FAM240B: variants seen among roughly 807,000 people sequenced by gnomAD.
FAM240B encodes family with sequence similarity 240 member B.
chr9:38,697,043 T>C (rs1005615677), intron 2 of FAM240B, among the ~76,000 whole-genome samples: 1 of 152,156 alleles, frequency 6.6e-6, no homozygotes, highest in African/African-American at 2.4e-5. Context: ...AATACATGAC[T>C]TTTGTCACCT....
At chr9:38,717,625 C>T (rs973532849) in intron 1 of FAM240B, among the ~76,000 whole-genome samples, 5 of 151,982 alleles carry the variant, frequency 3.3e-5, no homozygotes, top group African/African-American at 7.3e-5. Context: ...GGACTACAGG[C>T]GCCCGCCGCC....
At chr9:38,708,190 A>G (rs1821212604) in intron 1 of FAM240B, among the ~76,000 whole-genome samples, 1 of 152,188 alleles carries the variant, frequency 6.6e-6, no homozygotes, top group South Asian at 2.1e-4. Flanking sequence ...ATCTGCAGGT[A>G]GAACCTATGT....
chr9:38,707,631 AAAAAAC>A (rs1821206157), intron 1 of FAM240B, among the ~76,000 whole-genome samples: 3 of 149,840 alleles, frequency 2.0e-5, no homozygotes, highest in African/African-American at 7.4e-5. Flanking sequence ...AAAAACAAAA[AAAAAAC>A]CAAAAAATTA....
At chr9:38,718,673 A>C (rs1056347409) in intron 1 of FAM240B, among the ~76,000 whole-genome samples, 4 of 152,178 alleles carry the variant, frequency 2.6e-5, no homozygotes, top group African/African-American at 9.6e-5. Context: ...AAATAATTAT[A>C]ATTTAAATAA....
rs559554387 is a variant in FAM240B, at chr9:38,707,667, G to A, written c.-3-3665C>T. Among the ~76,000 whole-genome samples, 14 of 151,542 alleles carry A rather than the reference G, an allele frequency of 9.2e-5. No homozygotes were observed. The South Asian group carries it at 2.9e-3, about 32-fold the overall frequency. On this transcript the variant is annotated intron_variant, in intron 1 of 2. Transcript: ENST00000637493. ...AAATTAGCTGGGCGTGGTGGCACATGCCTGTAATCCCAGCTACTCAGGAGG... is the reference window on the plus strand; with the variant it reads ...AAATTAGCTGGGCGTGGTGGCACATACCTGTAATCCCAGCTACTCAGGAGG...
Position 38,694,889 on chromosome 9 carries a change from C to G in FAM240B, c.144-20G>C. ...CTGAGTCTGCGGAGGGGAAACCGTG[C>G]ACATGCTCAGTGCATTTGTCTCCAG... On this transcript the variant is annotated intron_variant, in intron 2 of 2. Transcript: ENST00000637493. The G allele has an allele frequency of 2.5e-6, 1 of 398,668 alleles. No homozygotes were observed. 24.7% of individuals were successfully genotyped at this position (398,668 alleles called of 1,614,324 possible).
In FAM240B at chr9:38,694,447, A is replaced by T; in HGVS notation, c.*329T>A. ...AACACTTCAAATGTCTCAAGACTTG[A>T]AACATTTCAAAATGACAAGGAAATG... On this transcript the variant is annotated 3_prime_UTR_variant, in exon 3 of 3. Coordinates refer to ENST00000637493, the MANE Select transcript of FAM240B (RefSeq NM_001394922.1). 1 of 208,014 alleles carries T rather than the reference A, an allele frequency of 4.8e-6. No homozygotes were observed. Among genetic ancestry groups the T allele is most frequent in the South Asian group, 1.9e-4 (1 of 5,268 alleles). 12.9% of individuals were successfully genotyped at this position (208,014 alleles called of 1,614,324 possible).
chr9:38,713,591 G>A (rs10814744), intron 1 of FAM240B, among the ~76,000 whole-genome samples: 35,539 of 151,482 alleles, frequency 0.23, 5,171 homozygotes, highest in Admixed American at 0.32. Flanking sequence ...ACTGGAACAC[G>A]GACAATTACA....
chr9:38,702,611 A>G (rs959753715), intron 2 of FAM240B, among the ~76,000 whole-genome samples: 2 of 152,218 alleles, frequency 1.3e-5, no homozygotes, highest in African/African-American at 4.8e-5. Context: ...TGGCCCTGGC[A>G]TTCAGACTGA....
chr9:38,709,706 G>C (rs1414760521), intron 1 of FAM240B, among the ~76,000 whole-genome samples: 2 of 152,220 alleles, frequency 1.3e-5, no homozygotes, highest in Non-Finnish European at 2.9e-5. Flanking sequence ...ACTAAGCAAT[G>C]TGCAGACACA....
chr9:38,708,648 G>C (rs1403170320), intron 1 of FAM240B, among the ~76,000 whole-genome samples: 2 of 152,198 alleles, frequency 1.3e-5, no homozygotes, highest in South Asian at 4.2e-4. Context: ...TAACATACAG[G>C]AAAGTGCCCC....
chr9:38,704,973 C>T (rs560622475), intron 1 of FAM240B, among the ~76,000 whole-genome samples: 17 of 152,320 alleles, frequency 1.1e-4, no homozygotes, highest in African/African-American at 4.1e-4. Flanking sequence ...ATGGGTATGT[C>T]CGGGGCAAGC....
At chr9:38,713,139 T>C (rs145690564) in intron 1 of FAM240B, among the ~76,000 whole-genome samples, 100 of 152,238 alleles carry the variant, frequency 6.6e-4, no homozygotes, top group Admixed American at 2.1e-3. Flanking sequence ...TAGGTACCAC[T>C]CCAGGGATCA....
chr9:38,700,155 G>GA (rs2119000192), intron 2 of FAM240B, among the ~76,000 whole-genome samples: 1 of 152,262 alleles, frequency 6.6e-6, no homozygotes, highest in South Asian at 2.1e-4. Context: ...CAGTTTGAAT[G>GA]AAAAATCTAA....
At chr9:38,696,729 G>T (rs537690405) in intron 2 of FAM240B, among the ~76,000 whole-genome samples, 38 of 152,184 alleles carry the variant, frequency 2.5e-4, no homozygotes, top group South Asian at 6.2e-4. Context: ...CAGGAGAATC[G>T]CTTGAACTTG....
intron 2 of FAM240B, among the ~76,000 whole-genome samples, chr9:38,702,913 C>T (rs529427120): frequency 1.9e-4 from 29 of 152,162 alleles, no homozygotes; most frequent in Non-Finnish European, 3.7e-4. Flanking sequence ...ACATAAATAA[C>T]GTAACTTCAT....
chr9:38,705,535 G>A (rs1245539241), intron 1 of FAM240B: 2 of 146,328 alleles, frequency 1.4e-5, no homozygotes, highest in African/African-American at 2.5e-5. Flanking sequence ...CTTGCAGTGA[G>A]CGGAGATCGC....
At chr9:38,716,427 G>A (rs1227980005) in intron 1 of FAM240B, among the ~76,000 whole-genome samples, 2 of 152,092 alleles carry the variant, frequency 1.3e-5, no homozygotes, top group African/African-American at 2.4e-5. Flanking sequence ...GGCTGAAATC[G>A]TGCCACAGCA....
intron 1 of FAM240B, among the ~76,000 whole-genome samples, chr9:38,712,451 C>A (rs1821266282): frequency 6.6e-6 from 1 of 152,238 alleles, no homozygotes; most frequent in African/African-American, 2.4e-5. Flanking sequence ...TTTCTATTAG[C>A]AACCTGCATT....
Sources: allele counts gnomAD v4.1 joint callset (sites outside exome capture counted in the v4.1 genomes callset), GRCh38; gene constraint gnomAD v4.1.1; transcripts MANE v1.5; gene names NCBI Gene and HGNC (gene_info 2026-07-23, HGNC 2026-07-21).